Variants in CFAP44 observed in about 807,000 individuals in gnomAD.
CFAP44 encodes cilia- and flagella-associated protein 44.
A neutral mutation model predicts 216.2 loss-of-function variants in CFAP44; 134 were observed. That is an observed-to-expected ratio of 0.62 (90% CI 0.54 to 0.72). CFAP44 has a LOEUF of 0.72. Ranked by LOEUF, CFAP44 falls within the 30% of genes least tolerant of loss-of-function variation. The pLI, the probability that CFAP44 is intolerant of heterozygous loss-of-function variation, is 0.00. For missense variants in CFAP44, 2,035 were observed against 2,182.1 expected (o/e 0.93, Z 1.34); for synonymous variants, 700 against 727.6 (o/e 0.96, Z 0.61).
chr3:113,315,667 T>G (rs927647818), intron 28 of CFAP44, among the ~76,000 whole-genome samples: 1 of 152,194 alleles, frequency 6.6e-6, no homozygotes, highest in African/African-American at 2.4e-5. Context: ...ACTTATGATT[T>G]TTCAGCTTTA....
chr3:113,399,898 A>C lies in CFAP44; in HGVS notation c.1569+8T>G. The C allele has an allele frequency of 6.4e-7, 1 of 1,564,314 alleles. No individual in the cohort carries two copies. The highest frequency in any genetic ancestry group is 1.2e-5 in the South Asian group (1 of 81,804). ...GATTCTGGTAGTTCATTATAACAAC[A>C]AACTTACCATTCGGGGTACCCAAAC... On this transcript the variant is annotated splice_region_variant and intron_variant, in intron 13 of 34. Coordinates refer to ENST00000393845, the MANE Select transcript of CFAP44 (RefSeq NM_001164496.2).
At chr3:113,440,839 G>A (rs1382758681) in intron 1 of CFAP44, among the ~76,000 whole-genome samples, 1 of 152,042 alleles carries the variant, frequency 6.6e-6, no homozygotes, top group Non-Finnish European at 1.5e-5. Flanking sequence ...AGCCTCCTTA[G>A]CCTTCTCCTC....
Position 113,400,574 on chromosome 3 carries a change from G to A in CFAP44, c.1445C>T (p.Thr482Ile). ...CAAGGCAGTTGTGGCCATGAGATAA[G>A]TGAGAGGAGAAACAGCCACGGCTTC... ...AIEAVAVSPL[T>I]YLMATTALDC... Residue 482 changes from threonine to isoleucine, a missense_variant, in exon 12 of 35, where the codon ACT becomes ATT. Physicochemically the swap from Thr to Ile is moderately conservative, Grantham distance 89 (BLOSUM62 -1). Coordinates refer to ENST00000393845, the MANE Select transcript of CFAP44 (RefSeq NM_001164496.2). The A allele has an allele frequency of 6.2e-7, 1 of 1,610,274 alleles. No individual in the cohort carries two copies. Among genetic ancestry groups the A allele is most frequent in the Non-Finnish European group, 8.5e-7 (1 of 1,178,122 alleles).
intron 15 of CFAP44, among the ~76,000 whole-genome samples, chr3:113,383,253 T>G (rs766831859): frequency 4.6e-5 from 7 of 152,204 alleles, no homozygotes; most frequent in African/African-American, 7.2e-5. Context: ...AGAAATTCAT[T>G]TCTCAGAGTT....
At chr3:113,425,853 GCACA>G (rs1268410998) in intron 4 of CFAP44, 1 of 332,544 alleles carries the variant, frequency 3.0e-6, no homozygotes, top group East Asian at 5.1e-5. Flanking sequence ...ATATGGGTTG[GCACA>G]CATTTTTTTA....
chr3:113,371,863 A>G (rs1436907981), intron 18 of CFAP44, among the ~76,000 whole-genome samples: 3 of 152,168 alleles, frequency 2.0e-5, no homozygotes, highest in Admixed American at 2.0e-4. Context: ...TCTACAAAGA[A>G]CTTAAACAAA....
intron 7 of CFAP44, 73 bp downstream of exon 7, chr3:113,409,029 AGTCT>A: frequency 1.4e-6 from 1 of 710,106 alleles, no homozygotes. Flanking sequence ...AAAAAAAAAA[AGTCT>A]CCAGCTCTTA....
At chr3:113,438,593 G>C (rs763432902) in intron 1 of CFAP44, among the ~76,000 whole-genome samples, 36 of 152,202 alleles carry the variant, frequency 2.4e-4, no homozygotes, top group South Asian at 1.0e-3. Flanking sequence ...ATAGATGAAA[G>C]AACAAGATTG....
At chr3:113,411,696 G>C (rs1316717062) in intron 6 of CFAP44, among the ~76,000 whole-genome samples, 1 of 152,202 alleles carries the variant, frequency 6.6e-6, no homozygotes, top group African/African-American at 2.4e-5. Flanking sequence ...TTGGTAGCTT[G>C]ATGGGGATGG....
rs768536423 is a variant in CFAP44 at position 113,366,313 on chromosome 3, C to T, written c.2445-4G>A. On this transcript the variant is annotated splice_region_variant and splice_polypyrimidine_tract_variant and intron_variant, in intron 18 of 34. Transcript: ENST00000393845. Reference sequence around the variant, plus strand: ...AAACATCATAACTTTGTTAATGCTACGAAACAAAAAATGTAAATTGTTCTT... The same window carrying T: ...AAACATCATAACTTTGTTAATGCTATGAAACAAAAAATGTAAATTGTTCTT... 32 of 1,582,328 alleles carry T rather than the reference C, an allele frequency of 2.0e-5. No homozygotes were observed. The highest frequency in any genetic ancestry group is 6.9e-5 in the South Asian group (6 of 87,312).
At chr3:113,385,172 T>C (rs973319457) in intron 15 of CFAP44, among the ~76,000 whole-genome samples, 1 of 152,198 alleles carries the variant, frequency 6.6e-6, no homozygotes, top group African/African-American at 2.4e-5. Flanking sequence ...TCCACCATGA[T>C]TGTGAGGCCT....
At chr3:113,345,639 T>A (rs1309104768) in intron 22 of CFAP44, among the ~76,000 whole-genome samples, 1 of 152,218 alleles carries the variant, frequency 6.6e-6, no homozygotes, top group Non-Finnish European at 1.5e-5. Flanking sequence ...CATCTTTCTC[T>A]CATAGCCCAC....
intron 1 of CFAP44, among the ~76,000 whole-genome samples, chr3:113,439,379 T>C (rs556876358): frequency 6.6e-6 from 1 of 152,192 alleles, no homozygotes; most frequent in African/African-American, 2.4e-5. Flanking sequence ...ATCACAACCT[T>C]ACACATAAAA....
intron 6 of CFAP44, among the ~76,000 whole-genome samples, chr3:113,411,092 A>G (rs368776455): frequency 1.3e-5 from 2 of 151,996 alleles, no homozygotes; most frequent in East Asian, 1.9e-4. Context: ...CCATTCTGTA[A>G]GTTGCCTGTT....
chr3:113,376,901 G>A (rs1267117509), intron 17 of CFAP44, among the ~76,000 whole-genome samples: 5 of 152,176 alleles, frequency 3.3e-5, no homozygotes, highest in African/African-American at 1.2e-4. Flanking sequence ...GAGACCAAGT[G>A]GTTTATCTCA....
intron 1 of CFAP44, among the ~76,000 whole-genome samples, chr3:113,437,067 G>A: frequency 6.6e-6 from 1 of 152,184 alleles, no homozygotes; most frequent in Non-Finnish European, 1.5e-5. Context: ...TCAGCCCCAT[G>A]TGGCTATGGA....
At chr3:113,385,283 C>A (rs1293731755) in intron 15 of CFAP44, among the ~76,000 whole-genome samples, 1 of 152,114 alleles carries the variant, frequency 6.6e-6, no homozygotes, top group Non-Finnish European at 1.5e-5. Context: ...CAGACTAATA[C>A]AATTTCATTC....
intron 22 of CFAP44, among the ~76,000 whole-genome samples, chr3:113,350,900 C>A (rs1415800698): frequency 6.6e-6 from 1 of 152,202 alleles, no homozygotes; most frequent in Admixed American, 6.5e-5. Context: ...GATTTACTAA[C>A]AGGGGATCTA....
chr3:113,362,651 G>A (rs1372709230), intron 21 of CFAP44, among the ~76,000 whole-genome samples: 1 of 152,176 alleles, frequency 6.6e-6, no homozygotes, highest in African/African-American at 2.4e-5. Flanking sequence ...GTGCAGGGAT[G>A]CACATAGGAA....
Sources: allele counts gnomAD v4.1 joint callset (sites outside exome capture counted in the v4.1 genomes callset), GRCh38; gene constraint gnomAD v4.1.1; transcripts MANE v1.5; gene names NCBI Gene and HGNC (gene_info 2026-07-23, HGNC 2026-07-21).